RASGRP2: variants seen among roughly 807,000 people sequenced by gnomAD.
RASGRP2 encodes the protein RAS guanyl releasing protein 2, also known as RAS guanyl-releasing protein 2.
In RASGRP2, 44 loss-of-function variants were observed where a neutral mutation model predicts 71.0. That is an observed-to-expected ratio of 0.62 (90% CI 0.49 to 0.80). The LOEUF is 0.80. RASGRP2 is among the 30% of genes least tolerant of loss of function. The pLI, the probability that RASGRP2 is intolerant of heterozygous loss-of-function variation, is 0.00. For synonymous variants in RASGRP2, 350 were observed against 330.7 expected (o/e 1.06, Z -0.63); for missense variants, 663 against 813.4 (o/e 0.82, Z 2.25).
At chr11:64,740,656 A>G (rs2058091816) in intron 5 of RASGRP2, 1 of 645,914 alleles carries the variant, frequency 1.5e-6, no homozygotes. Flanking sequence ...AGCAAGGGGG[A>G]TGATATGAGC....
intron 9 of RASGRP2, 32 bp from the exon 10 acceptor site, chr11:64,736,012 GC>G: frequency 6.3e-7 from 1 of 1,597,920 alleles, no homozygotes; most frequent in Non-Finnish European, 8.6e-7. Context: ...ACCCCCACTG[GC>G]CCCTGCCCAC....
intron 15 of RASGRP2, 46 bp from the exon 16 acceptor site, chr11:64,727,406 G>C: frequency 6.3e-7 from 1 of 1,590,244 alleles, no homozygotes; most frequent in Non-Finnish European, 8.6e-7. Flanking sequence ...AGGTCCCTGG[G>C]ACTTCATCAA....
Position 64,743,373 on chromosome 11 carries a change from G to A in RASGRP2, c.-71-436C>T, listed in dbSNP as rs2058204468. ...GAACCCAGAGCCTGAGGGGACCTCG[G>A]AGGAATTTCTCCCTGGTATGGGAGG... On this transcript the variant is annotated intron_variant, in intron 1 of 16. Coordinates refer to ENST00000394432, the MANE Select transcript of RASGRP2 (RefSeq NM_001098671.2). The surrounding 1 kb of genome is among the most constrained non-coding windows in gnomAD (Gnocchi z 4.9). 1 of 394,980 alleles carries A rather than the reference G, an allele frequency of 2.5e-6. No homozygotes were observed. Among genetic ancestry groups the A allele is most frequent in the African/African-American group, 2.1e-5 (1 of 47,346 alleles). The allele number at this position is 394,980 out of a possible 1,614,324, so 24.5% of individuals were successfully genotyped here. A position where few individuals can be genotyped will look rare whatever the true frequency, so the allele number is the denominator to read the frequency against.
intron 3 of RASGRP2, 28 bp downstream of exon 3, chr11:64,741,982 G>A (rs1463776996): frequency 4.4e-6 from 7 of 1,586,176 alleles, no homozygotes; most frequent in South Asian, 1.1e-5. Context: ...CCGACGGCGG[G>A]GGCCTTGGCA....
chr11:64,743,019 G>C lies in RASGRP2; in HGVS notation c.-71-82C>G, dbSNP rs1295082608. ...CGCGGGCAGAAACGGGGCGGGGCGGGCACGCCCCCTGCTGGACAGGGGCGG... is the reference window on the plus strand; with the variant it reads ...CGCGGGCAGAAACGGGGCGGGGCGGCCACGCCCCCTGCTGGACAGGGGCGG... On this transcript the variant is annotated intron_variant, in intron 1 of 16. Coordinates refer to ENST00000394432, the MANE Select transcript of RASGRP2 (RefSeq NM_001098671.2). This position sits in a 1 kb window ranked among gnomAD's most constrained non-coding sequence, Gnocchi z 4.9. The C allele has an allele frequency of 4.3e-6, 6 of 1,395,210 alleles. No homozygotes were observed. Among genetic ancestry groups the C allele is most frequent in the South Asian group, 1.3e-5 (1 of 79,554 alleles). The allele number at this position is 1,395,210 out of a possible 1,614,324, so 86.4% of individuals were successfully genotyped here.
At chr11:64,738,766 T>C (rs1158266906) in intron 8 of RASGRP2, among the ~76,000 whole-genome samples, 2 of 152,076 alleles carry the variant, frequency 1.3e-5, no homozygotes, top group Non-Finnish European at 2.9e-5. Flanking sequence ...CTTTTCTATA[T>C]GTATGTTACT....
At position 64,727,127 on chromosome 11, in the gene RASGRP2, C is replaced by T; in HGVS notation, c.*11G>A. 1.6e-6 allele frequency: 1 copy of T among 626,706 alleles called. No homozygotes were observed. The highest frequency in any genetic ancestry group is 1.7e-5 in the South Asian group (1 of 59,510). 38.8% of individuals were successfully genotyped at this position (626,706 alleles called of 1,614,324 possible). On this transcript the variant is annotated 3_prime_UTR_variant, in exon 17 of 17. Transcript: ENST00000394432. ...GGCAGGAATGAGTCCTTGATCCAACCACAGCTGGGAAGAGAAAAACAGGTT... is the reference window on the plus strand; with the variant it reads ...GGCAGGAATGAGTCCTTGATCCAACTACAGCTGGGAAGAGAAAAACAGGTT...
rs771014858 is a variant in RASGRP2, at chr11:64,742,093, C to T, written c.93G>A (p.Arg31=). The T allele has an allele frequency of 1.1e-5, 17 of 1,599,578 alleles. No individual in the cohort carries two copies. In the Admixed American group the frequency reaches 2.9e-4, roughly 28 times the overall value. Residue 31 remains arginine, a synonymous_variant, in exon 3 of 17, where the codon CGG becomes CGA. Coordinates refer to ENST00000394432, the MANE Select transcript of RASGRP2 (RefSeq NM_001098671.2). This position sits in a 1 kb window ranked among gnomAD's most constrained non-coding sequence, Gnocchi z 4.7. ...GGAACATGCGCACCAGCTGCGGGTC[C>T]CGCACCTTCCCGGAGTCATCTGACT... is the stretch of plus-strand genomic sequence containing the variant. ...IEAFDDSGKV[R]DPQLVRMFLM...
rs550332649 is a variant in RASGRP2 at position 64,730,080 on chromosome 11, G to C, written c.1527C>G (p.Pro509=). The change falls in exon 13 of 17, where the codon CCC becomes CCG. Residue 509 remains proline (P), a synonymous_variant. Transcript: ENST00000394432. ...HNFQESNSLR[P]VACRHCKALI... is the part of the protein sequence containing the mutation. ...GGGCTTTGCAGTGGCGGCAGGCGAC[G>C]GGGCGCAAGGAGTTGCTCTCCTGGA... The C allele has an allele frequency of 1.3e-6, 2 of 1,550,180 alleles. No homozygotes were observed. Among genetic ancestry groups the C allele is most frequent in the Non-Finnish European group, 1.7e-6 (2 of 1,147,382 alleles).
At chr11:64,727,494 C>T (rs2057604381) in intron 15 of RASGRP2, 134 bp from the exon 16 acceptor site, 2 of 663,170 alleles carry the variant, frequency 3.0e-6, no homozygotes, top group East Asian at 2.9e-5. Flanking sequence ...CCCTGCATGA[C>T]CTCACAGCCC....
At chr11:64,733,595 C>T (rs1463286046) in intron 12 of RASGRP2, among the ~76,000 whole-genome samples, 1 of 152,152 alleles carries the variant, frequency 6.6e-6, no homozygotes, top group Non-Finnish European at 1.5e-5. Context: ...ACTCAACTAC[C>T]TCTGCCTAAA....
intron 8 of RASGRP2, among the ~76,000 whole-genome samples, chr11:64,737,731 C>T (rs1396523637): frequency 6.7e-6 from 1 of 148,336 alleles, no homozygotes; most frequent in Non-Finnish European, 1.5e-5. Context: ...AAAGGAAAAA[C>T]CCCAACATTC....
chr11:64,742,868 G>A lies in RASGRP2; in HGVS notation c.-2C>T. On this transcript the variant is annotated 5_prime_UTR_variant, in exon 2 of 17. Coordinates refer to ENST00000394432, the MANE Select transcript of RASGRP2 (RefSeq NM_001098671.2). The surrounding 1 kb of genome is among the most constrained non-coding windows in gnomAD (Gnocchi z 4.7). ...GTCCAGGTCCAGGGTGCCTGCCATG[G>A]CCGCCGGCGCGGGGTGGGCTGGGCC... 2 of 1,590,012 alleles carry A rather than the reference G, an allele frequency of 1.3e-6. No homozygotes were observed. Among genetic ancestry groups the A allele is most frequent in the East Asian group, 2.3e-5 (1 of 44,006 alleles).
At chr11:64,728,765 G>C in intron 15 of RASGRP2, 98 bp downstream of exon 15, 1 of 1,271,030 alleles carries the variant, frequency 7.9e-7, no homozygotes. Context: ...CACAAAAAGA[G>C]AATTATGCAC....
chr11:64,731,309 T>A (rs1206206368), intron 12 of RASGRP2, among the ~76,000 whole-genome samples: 1 of 146,334 alleles, frequency 6.8e-6, no homozygotes, highest in Non-Finnish European at 1.5e-5. Context: ...CGAGCCAAGA[T>A]CATGCCACTG....
intron 12 of RASGRP2, among the ~76,000 whole-genome samples, chr11:64,731,532 A>G (rs1296758960): frequency 6.6e-6 from 1 of 152,210 alleles, no homozygotes; most frequent in Admixed American, 6.5e-5. Flanking sequence ...AGACAGGGAG[A>G]AAATATTTGC....
intron 12 of RASGRP2, among the ~76,000 whole-genome samples, chr11:64,732,267 C>A (rs2057786737): frequency 6.6e-6 from 1 of 152,248 alleles, no homozygotes; most frequent in Non-Finnish European, 1.5e-5. Flanking sequence ...CCTGTAATCC[C>A]AGCACTTTGG....
chr11:64,728,725 G>C, intron 15 of RASGRP2, 138 bp downstream of exon 15: 2 of 1,004,974 alleles, frequency 2.0e-6, no homozygotes, highest in South Asian at 3.4e-5. Flanking sequence ...GAGCCACCGC[G>C]CCCGGCCTGT....
In RASGRP2 at chr11:64,735,750, G is replaced by A. The variant is rs1239543082; in HGVS notation, c.1174-86C>T. 3.8e-5 allele frequency: 58 copies of A among 1,534,396 alleles called. No homozygotes were observed. The highest frequency in any genetic ancestry group is 4.5e-5 in the Non-Finnish European group (51 of 1,131,118). On this transcript the variant is annotated intron_variant, in intron 10 of 16. Transcript: ENST00000394432. The surrounding 1 kb of genome is among the most constrained non-coding windows in gnomAD (Gnocchi z 4.2). ...AACAGAGAGGGGAATCCCTGGGAGA[G>A]GGAAGTCTGCCCAACACTACTGCCC...
Sources: gnomAD v4.1 joint callset for allele counts (sites outside exome capture counted in the v4.1 genomes callset) on GRCh38, gnomAD v4.1.1 for gene constraint, Gnocchi (gnomAD v3.1) non-coding constraint, MANE v1.5 for transcripts, NCBI Gene and HGNC (gene_info 2026-07-23, HGNC 2026-07-21) for gene names.